Variants in MTOR observed in about 807,000 individuals in gnomAD.
The protein encoded by MTOR is mechanistic target of rapamycin kinase, also known as serine/threonine-protein kinase mTOR.
A neutral mutation model predicts 319.8 loss-of-function variants in MTOR; 70 were observed. The observed-to-expected ratio is 0.22, with a 90% confidence interval of 0.18 to 0.27. MTOR has a LOEUF of 0.27. Ranked by LOEUF, MTOR falls within the 10% of genes least tolerant of loss-of-function variation. The probability of loss-of-function intolerance (pLI) is 1.00; values close to 1 mark genes in which losing one functional copy is unlikely to be tolerated. For missense variants in MTOR, 1,890 were observed against 3,274.4 expected (o/e 0.58, Z 10.32); for synonymous variants, 1,183 against 1,211.4 (o/e 0.98, Z 0.49).
At chr1:11,245,909 C>CA (rs1235591086) in intron 8 of MTOR, among the ~76,000 whole-genome samples, 1 of 151,416 alleles carries the variant, frequency 6.6e-6, no homozygotes, top group African/African-American at 2.4e-5. Context: ...GACCCTGTCT[C>CA]AAAAAAAACC....
chr1:11,135,513 A>G (rs901370240), intron 36 of MTOR, among the ~76,000 whole-genome samples: 1 of 152,208 alleles, frequency 6.6e-6, no homozygotes, highest in Admixed American at 6.5e-5. Flanking sequence ...GGTAAATCAT[A>G]TAAGAGGTAT....
intron 1 of MTOR, among the ~76,000 whole-genome samples, chr1:11,261,046 C>T (rs1381120508): frequency 2.0e-5 from 3 of 151,752 alleles, no homozygotes; most frequent in Non-Finnish European, 4.4e-5. Flanking sequence ...CCCGCCTTGG[C>T]CTCCCAAAGT....
intron 28 of MTOR, among the ~76,000 whole-genome samples, chr1:11,169,964 G>A (rs923567931): frequency 4.6e-5 from 7 of 152,230 alleles, no homozygotes; most frequent in Non-Finnish European, 1.0e-4. Flanking sequence ...AGTCATCACT[G>A]CGAATTCCCA....
intron 54 of MTOR, among the ~76,000 whole-genome samples, chr1:11,112,639 C>T (rs926262090): frequency 2.0e-5 from 3 of 152,216 alleles, no homozygotes; most frequent in African/African-American, 7.2e-5. Context: ...CCATCCCATT[C>T]TAGAAACACT....
At chr1:11,204,989 T>C (rs1219102302) in intron 25 of MTOR, among the ~76,000 whole-genome samples, 1 of 152,102 alleles carries the variant, frequency 6.6e-6, no homozygotes, top group Non-Finnish European at 1.5e-5. Flanking sequence ...CACACTCGGG[T>C]GCATTCGACA....
At chr1:11,256,231 A>T in intron 4 of MTOR, 39 bp from the exon 5 acceptor site, 1 of 1,589,540 alleles carries the variant, frequency 6.3e-7, no homozygotes. Context: ...CATTGGTACC[A>T]GAGTTTTGTT....
intron 9 of MTOR, among the ~76,000 whole-genome samples, chr1:11,242,371 A>C (rs777329374): frequency 6.6e-6 from 1 of 152,176 alleles, no homozygotes; most frequent in East Asian, 1.9e-4. Flanking sequence ...ATAGTGGCAC[A>C]TGCCTGTAAT....
At chr1:11,166,586 A>G (rs1172672526) in intron 29 of MTOR, among the ~76,000 whole-genome samples, 1 of 152,248 alleles carries the variant, frequency 6.6e-6, no homozygotes, top group Non-Finnish European at 1.5e-5. Flanking sequence ...TTAAAAAGTC[A>G]GGAAACAACA....
At chr1:11,123,091 A>G (rs966097097) in intron 47 of MTOR, among the ~76,000 whole-genome samples, 1 of 151,974 alleles carries the variant, frequency 6.6e-6, no homozygotes, top group Non-Finnish European at 1.5e-5. Context: ...GGTCAGACCC[A>G]TCCCATCTGT....
chr1:11,141,873 C>T (rs1258402506), intron 34 of MTOR, among the ~76,000 whole-genome samples: 3 of 150,136 alleles, frequency 2.0e-5, no homozygotes, highest in African/African-American at 7.3e-5. Context: ...TGGTGGTGGG[C>T]GCCTGTAGTC....
chr1:11,222,830 T>C (rs1353326791), intron 19 of MTOR, among the ~76,000 whole-genome samples: 1 of 152,000 alleles, frequency 6.6e-6, no homozygotes, highest in African/African-American at 2.4e-5. Context: ...ATAACAGCTC[T>C]AGGAAATAAC....
intron 49 of MTOR, among the ~76,000 whole-genome samples, chr1:11,117,683 C>G (rs1052873569): frequency 6.6e-6 from 1 of 151,864 alleles, no homozygotes; most frequent in African/African-American, 2.4e-5. Context: ...TGACGATAGC[C>G]CCTGAGAAGG....
chr1:11,189,949 T>C (rs1023237770), intron 28 of MTOR: 1 of 1,607,426 alleles, frequency 6.2e-7, no homozygotes, highest in Non-Finnish European at 8.5e-7. Context: ...CACTCAGACC[T>C]CCGCAGGTAA....
At chr1:11,126,895 T>TC (rs34305544) in intron 45 of MTOR, 99 bp from the exon 46 acceptor site, 1 of 1,574,916 alleles carries the variant, frequency 6.3e-7, no homozygotes, top group East Asian at 2.2e-5. Flanking sequence ...CAATTACTTG[T>TC]CCCAAAGCAG....
chr1:11,259,461 A>C, intron 1 of MTOR, 38 bp from the exon 2 acceptor site: 1 of 1,501,206 alleles, frequency 6.7e-7, no homozygotes, highest in Non-Finnish European at 8.9e-7. Flanking sequence ...CTGGATAAGA[A>C]AGTATGATGA....
At chr1:11,242,438 T>G (rs1029444637) in intron 9 of MTOR, among the ~76,000 whole-genome samples, 2 of 135,586 alleles carry the variant, frequency 1.5e-5, no homozygotes, top group African/African-American at 5.4e-5. Context: ...AGGAGGAGGT[T>G]GCAGTGACCC....
At chr1:11,153,473 G>A (rs1644216168) in intron 30 of MTOR, among the ~76,000 whole-genome samples, 1 of 152,192 alleles carries the variant, frequency 6.6e-6, no homozygotes, top group South Asian at 2.1e-4. Context: ...AGTATTTTAG[G>A]AATTGATTAG....
chr1:11,163,680 A>G (rs1196452664), intron 29 of MTOR, among the ~76,000 whole-genome samples: 2 of 152,226 alleles, frequency 1.3e-5, no homozygotes, highest in Non-Finnish European at 2.9e-5. Flanking sequence ...CTCCTGAATG[A>G]CTACTGGGTA....
Position 11,106,539 on chromosome 1 carries a change from T to C in MTOR, c.*946A>G. 1 of 1,045,636 alleles carries C rather than the reference T, an allele frequency of 9.6e-7. No homozygotes were observed. Among genetic ancestry groups the C allele is most frequent in the East Asian group, 4.9e-5 (1 of 20,232 alleles). The allele number at this position is 1,045,636 out of a possible 1,614,324, so 64.8% of individuals were successfully genotyped here. Reference sequence around the variant, plus strand: ...CTAAAACGCCACTCATATACATATGTTTAAAATTCTGATGTCATTTATTGG... The same window carrying C: ...CTAAAACGCCACTCATATACATATGCTTAAAATTCTGATGTCATTTATTGG... On this transcript the variant is annotated 3_prime_UTR_variant, in exon 58 of 58. Coordinates refer to ENST00000361445, the MANE Select transcript of MTOR (RefSeq NM_004958.4).
Sources: allele counts gnomAD v4.1 joint callset (sites outside exome capture counted in the v4.1 genomes callset), GRCh38; gene constraint gnomAD v4.1.1; transcripts MANE v1.5; gene names NCBI Gene and HGNC (gene_info 2026-07-23, HGNC 2026-07-21).